CREBL2: variants seen among roughly 807,000 people sequenced by gnomAD.
CREBL2 encodes cAMP responsive element binding protein like 2, also known as cAMP-responsive element-binding protein-like 2.
In CREBL2, 4 loss-of-function variants were observed where a neutral mutation model predicts 19.5. The ratio of observed to expected loss-of-function variants is 0.20; its 90% CI spans 0.10 to 0.47. The LOEUF is 0.47. CREBL2 is among the 20% of genes least tolerant of loss of function. The pLI is 0.98. For missense variants in CREBL2, 85 were observed against 145.1 expected (o/e 0.59, Z 2.13); for synonymous variants, 42 against 46.6 (o/e 0.90, Z 0.40).
chr12:12,625,237 CT>C (rs1470193173), intron 1 of CREBL2, among the ~76,000 whole-genome samples: 1 of 152,128 alleles, frequency 6.6e-6, no homozygotes, highest in Non-Finnish European at 1.5e-5. Flanking sequence ...GGGACCCACC[CT>C]TTTCTGTCTA....
intron 1 of CREBL2, chr12:12,615,499 C>G: frequency 6.9e-6 from 1 of 145,426 alleles, no homozygotes; most frequent in African/African-American, 2.5e-5. Flanking sequence ...TATCAACCTT[C>G]TTTTTTTTTT....
chr12:12,623,639 A>G (rs746445072), intron 1 of CREBL2, among the ~76,000 whole-genome samples: 2 of 152,178 alleles, frequency 1.3e-5, no homozygotes. Flanking sequence ...GGATAATGAA[A>G]GAGAGAACTG....
At chr12:12,637,959 C>G (rs1207744740) in intron 3 of CREBL2, among the ~76,000 whole-genome samples, 1 of 151,376 alleles carries the variant, frequency 6.6e-6, no homozygotes, top group African/African-American at 2.4e-5. Context: ...GGAGGATCAC[C>G]TGAGCCCAGG....
chr12:12,620,948 G>A lies in CREBL2; in HGVS notation c.15+8761G>A, dbSNP rs534950376. Among the ~76,000 whole-genome samples, 134 of 152,296 alleles carry A rather than the reference G, an allele frequency of 8.8e-4. 2 individuals are homozygous for A. The South Asian group carries it at 0.026, about 30-fold the overall frequency. On this transcript the variant is annotated intron_variant, in intron 1 of 3. Coordinates refer to ENST00000228865, the MANE Select transcript of CREBL2 (RefSeq NM_001310.4). ...CAGTAAGAGTGGGTGCTTAACTGTC[G>A]AGGAACGTCAGACATGGGTTTACAG...
At chr12:12,634,689 A>G (rs1392867365) in intron 1 of CREBL2, among the ~76,000 whole-genome samples, 2 of 152,200 alleles carry the variant, frequency 1.3e-5, no homozygotes, top group African/African-American at 4.8e-5. Context: ...TGAGATCATA[A>G]TGAACTTACA....
At chr12:12,638,527 A>C (rs967577765) in intron 3 of CREBL2, among the ~76,000 whole-genome samples, 2 of 152,186 alleles carry the variant, frequency 1.3e-5, no homozygotes, top group African/African-American at 4.8e-5. Flanking sequence ...AAATTTATCG[A>C]AATTTTATTA....
rs190863721 is a variant in CREBL2 at position 12,618,420 on chromosome 12, C to T, written c.15+6233C>T. ...GTCATGGTGGGGCAGAGGTGCTCCT[C>T]ACATCCCAGATGGGGTGGCGGGGCA... is the stretch of plus-strand genomic sequence containing the variant. On this transcript the variant is annotated intron_variant, in intron 1 of 3. Coordinates refer to ENST00000228865, the MANE Select transcript of CREBL2 (RefSeq NM_001310.4). Among the ~76,000 whole-genome samples the T allele has an allele frequency of 4.2e-3, 636 of 151,930 alleles. 3 individuals are homozygous for T. The highest frequency in any genetic ancestry group is 0.015 in the African/African-American group (614 of 41,356).
chr12:12,634,520 G>GTATA (rs149059178), intron 1 of CREBL2, among the ~76,000 whole-genome samples: 2 of 151,846 alleles, frequency 1.3e-5, no homozygotes, highest in East Asian at 1.9e-4. Context: ...ATTTATGTGT[G>GTATA]TATATATATA....
At chr12:12,622,690 T>C (rs1375181580) in intron 1 of CREBL2, among the ~76,000 whole-genome samples, 1 of 152,118 alleles carries the variant, frequency 6.6e-6, no homozygotes, top group African/African-American at 2.4e-5. Flanking sequence ...CTGGCAAATA[T>C]AAAAAGAGAA....
chr12:12,625,877 T>G (rs1297488420), intron 1 of CREBL2, among the ~76,000 whole-genome samples: 2 of 152,238 alleles, frequency 1.3e-5, no homozygotes, highest in Non-Finnish European at 2.9e-5. Flanking sequence ...CCTAGAGTTT[T>G]ACAGTGTTTG....
intron 1 of CREBL2, among the ~76,000 whole-genome samples, chr12:12,623,657 G>T (rs998196433): frequency 1.3e-5 from 2 of 152,174 alleles, no homozygotes; most frequent in Non-Finnish European, 2.9e-5. Context: ...CTGGCTTTTT[G>T]TGGGAATCCT....
intron 2 of CREBL2, among the ~76,000 whole-genome samples, chr12:12,636,761 A>C (rs373113793): frequency 1.3e-4 from 20 of 152,336 alleles, no homozygotes; most frequent in South Asian, 6.2e-4. Context: ...TCACTCATCC[A>C]TTCAGCCTTT....
chr12:12,633,196 CA>C (rs1311440206), intron 1 of CREBL2, among the ~76,000 whole-genome samples: 2 of 152,116 alleles, frequency 1.3e-5, no homozygotes, highest in Non-Finnish European at 2.9e-5. Context: ...CTCAGCCTCC[CA>C]AAGTGTTGGG....
Position 12,642,082 on chromosome 12 carries a change from T to C in CREBL2, c.*84T>C, listed in dbSNP as rs1280675491. The stretch of plus-strand genomic sequence containing the variant: ...GATGGGCAAGAGTGTACTTCTTGGC[T>C]CCATTTACTACCTACTGCTCAGTAG... On this transcript the variant is annotated 3_prime_UTR_variant, in exon 4 of 4. Coordinates refer to ENST00000228865, the MANE Select transcript of CREBL2 (RefSeq NM_001310.4). 1 of 1,040,938 alleles carries C rather than the reference T, an allele frequency of 9.6e-7. No homozygotes were observed. Among genetic ancestry groups the C allele is most frequent in the Non-Finnish European group, 1.4e-6 (1 of 694,796 alleles). The allele number at this position is 1,040,938 out of a possible 1,614,324, so 64.5% of individuals were successfully genotyped here.
intron 1 of CREBL2, among the ~76,000 whole-genome samples, chr12:12,634,470 A>C (rs1035551179): frequency 3.3e-5 from 5 of 152,198 alleles, no homozygotes; most frequent in African/African-American, 9.7e-5. Context: ...TGGGCTCAAC[A>C]AATTTGAGGG....
At chr12:12,617,822 C>A (rs968069089) in intron 1 of CREBL2, among the ~76,000 whole-genome samples, 1 of 151,366 alleles carries the variant, frequency 6.6e-6, no homozygotes, top group Admixed American at 6.6e-5. Context: ...TGCGGCCTTC[C>A]GCTGTGTTTG....
intron 1 of CREBL2, among the ~76,000 whole-genome samples, chr12:12,626,258 T>C (rs759395994): frequency 2.0e-5 from 3 of 152,244 alleles, no homozygotes; most frequent in Non-Finnish European, 2.9e-5. Flanking sequence ...GTTAAACTTG[T>C]TGACTGTGAA....
chr12:12,641,276 T>TTTTTTTTG (rs1945519303), intron 3 of CREBL2, among the ~76,000 whole-genome samples: 1 of 141,836 alleles, frequency 7.1e-6, no homozygotes, highest in Non-Finnish European at 1.5e-5. Context: ...TTTTTTTTTT[T>TTTTTTTTG]TAGGTCAACC....
At chr12:12,623,010 A>G (rs1945371854) in intron 1 of CREBL2, among the ~76,000 whole-genome samples, 1 of 152,204 alleles carries the variant, frequency 6.6e-6, no homozygotes, top group Non-Finnish European at 1.5e-5. Context: ...CAGGATGTAA[A>G]TAAGTGTAAA....
Sources: gnomAD v4.1 joint callset for allele counts (sites outside exome capture counted in the v4.1 genomes callset) on GRCh38, gnomAD v4.1.1 for gene constraint, MANE v1.5 for transcripts, NCBI Gene and HGNC (gene_info 2026-07-23, HGNC 2026-07-21) for gene names.